The following GLI2 variants were observed in gnomAD, a reference collection of about 807,000 sequenced individuals.
GLI2 encodes the protein transcription activator GLI2.
A neutral mutation model predicts 78.9 loss-of-function variants in GLI2; 22 were observed. The observed-to-expected ratio is 0.28, with a 90% CI of 0.20 to 0.40. The LOEUF (loss-of-function observed/expected upper bound fraction) is 0.40, where lower values mean the gene tolerates loss of function less well. Among genes scored for constraint, GLI2 ranks in the 10% least tolerant of loss-of-function variants. The pLI is 1.00. For missense variants in GLI2, 2,097 were observed against 2,213.2 expected (o/e 0.95, Z 1.05); for synonymous variants, 974 against 963.7 (o/e 1.01, Z -0.20).
At chr2:120,749,998 C>T (rs530806785) in intron 1 of GLI2, among the ~76,000 whole-genome samples, 1 of 152,332 alleles carries the variant, frequency 6.6e-6, no homozygotes, top group African/African-American at 2.4e-5. Context: ...AGAACATCAA[C>T]GTCACAGCTC....
At position 120,955,152 on chromosome 2, in the gene GLI2, CCTTTTTT is replaced by C. The variant is rs1256064325; in HGVS notation, c.458-92_458-86del. 1,742 of 304,078 alleles carry C rather than the reference CCTTTTTT, an allele frequency of 5.7e-3. 39 individuals carry two copies. Among genetic ancestry groups the C allele is most frequent in the East Asian group, 0.015 (151 of 10,382 alleles). 18.8% of individuals were successfully genotyped at this position (304,078 alleles called of 1,614,324 possible). A position where few individuals can be genotyped will look rare whatever the true frequency, so the allele number is the denominator to read the frequency against. On this transcript the variant is annotated intron_variant, in intron 4 of 13. Transcript: ENST00000361492. ...GACACCAGGTGTGCATTTCTCTCTGCCTTTTTTTTTTTTTTTTTTTTTTTTTTTTGGC... is the reference window on the plus strand; with the variant it reads ...GACACCAGGTGTGCATTTCTCTCTGCTTTTTTTTTTTTTTTTTTTTTTGGC...
At chr2:120,788,727 C>A (rs1011206169) in intron 1 of GLI2, among the ~76,000 whole-genome samples, 1 of 152,156 alleles carries the variant, frequency 6.6e-6, no homozygotes, top group Non-Finnish European at 1.5e-5. Flanking sequence ...AAAACAAATT[C>A]AAGGAGCGAT....
chr2:120,893,277 C>G (rs530997916), intron 2 of GLI2, among the ~76,000 whole-genome samples: 2 of 152,190 alleles, frequency 1.3e-5, no homozygotes, highest in South Asian at 4.1e-4. Flanking sequence ...AATAACCAAG[C>G]CCAGCCCCTG....
At chr2:120,980,721 A>G (rs564584169) in intron 10 of GLI2, among the ~76,000 whole-genome samples, 147 of 152,330 alleles carry the variant, frequency 9.7e-4, no homozygotes, top group African/African-American at 3.2e-3. Context: ...ATTTACCTCT[A>G]TGTTTTCTTC....
At chr2:120,823,143 A>G (rs1370162800) in intron 2 of GLI2, among the ~76,000 whole-genome samples, 2 of 152,088 alleles carry the variant, frequency 1.3e-5, no homozygotes, top group African/African-American at 4.8e-5. Context: ...GCGGCCGCAC[A>G]CCGTCTTTGG....
chr2:120,840,885 C>T (rs1686836975), intron 2 of GLI2, among the ~76,000 whole-genome samples: 1 of 152,146 alleles, frequency 6.6e-6, no homozygotes, highest in Non-Finnish European at 1.5e-5. Flanking sequence ...AAAAGAGATC[C>T]ACTGGGTTAC....
Position 120,841,243 on chromosome 2 carries a change from G to A in GLI2, c.148+43775G>A, listed in dbSNP as rs553646981. 1.4e-3 allele frequency among the ~76,000 whole-genome samples: 220 copies of A among 152,302 alleles called. 1 individual carries two copies. The highest frequency in any genetic ancestry group is 2.5e-3 in the Non-Finnish European group (167 of 68,030). On this transcript the variant is annotated intron_variant, in intron 2 of 13. Transcript: ENST00000361492. ...GTTTTCAGAGGAGGAAATCCTTGGC[G>A]TCTGCCTTATTCCAAAATCCACTGG... is the stretch of plus-strand genomic sequence containing the variant.
At chr2:120,769,660 C>A (rs139616621) in intron 1 of GLI2, among the ~76,000 whole-genome samples, 2 of 152,126 alleles carry the variant, frequency 1.3e-5, no homozygotes, top group Non-Finnish European at 2.9e-5. Context: ...ATGTGCTGTG[C>A]GGCTGTGTGA....
At chr2:120,848,126 G>A (rs1418125584) in intron 2 of GLI2, among the ~76,000 whole-genome samples, 1 of 152,356 alleles carries the variant, frequency 6.6e-6, no homozygotes, top group Middle Eastern at 3.4e-3. Flanking sequence ...CCCGCAGACC[G>A]CGCAGCGCGC....
chr2:120,947,423 C>CA (rs1680763846), intron 3 of GLI2, among the ~76,000 whole-genome samples: 1 of 152,226 alleles, frequency 6.6e-6, no homozygotes, highest in Non-Finnish European at 1.5e-5. Flanking sequence ...GGCACACAGT[C>CA]AGCCCTACCC....
chr2:120,974,759 A>G (rs1404960468), intron 8 of GLI2, among the ~76,000 whole-genome samples: 1 of 151,572 alleles, frequency 6.6e-6, no homozygotes, highest in Admixed American at 6.6e-5. Flanking sequence ...AGTTGAGGAA[A>G]GGAGCTAAAA....
At chr2:120,884,022 A>T (rs1411979543) in intron 2 of GLI2, among the ~76,000 whole-genome samples, 1 of 152,180 alleles carries the variant, frequency 6.6e-6, no homozygotes, top group African/African-American at 2.4e-5. Context: ...ATACTTTTGC[A>T]TAGCCACCAC....
At chr2:120,765,885 A>G (rs1312643641) in intron 1 of GLI2, among the ~76,000 whole-genome samples, 2 of 152,232 alleles carry the variant, frequency 1.3e-5, no homozygotes, top group African/African-American at 4.8e-5. Context: ...GACTCAGGGA[A>G]TGAGATAGGA....
At chr2:120,743,068 G>A (rs868550145) in intron 1 of GLI2, among the ~76,000 whole-genome samples, 1 of 152,164 alleles carries the variant, frequency 6.6e-6, no homozygotes, top group Middle Eastern at 3.2e-3. Context: ...ATACCAAGTG[G>A]CCTAAGGAGC....
chr2:120,939,948 A>G (rs1042808841), intron 3 of GLI2, among the ~76,000 whole-genome samples: 2 of 152,140 alleles, frequency 1.3e-5, no homozygotes, highest in African/African-American at 2.4e-5. Flanking sequence ...TTTGGAGGTG[A>G]TGGCCTCTAC....
chr2:120,826,430 C>G (rs901342127), intron 2 of GLI2, among the ~76,000 whole-genome samples: 1 of 152,322 alleles, frequency 6.6e-6, no homozygotes, highest in East Asian at 1.9e-4. Flanking sequence ...AGCCAGCCCC[C>G]TCCCTCTGCT....
chr2:120,989,670 C>G lies in GLI2; in HGVS notation c.3705C>G (p.Pro1235=), dbSNP rs1431584870. 2 of 1,613,434 alleles carry G rather than the reference C, an allele frequency of 1.2e-6. No homozygotes were observed. The highest frequency in any genetic ancestry group is 1.7e-6 in the Non-Finnish European group (2 of 1,180,014). The stretch of plus-strand genomic sequence containing the variant: ...ATGCCTGCTATGGCCAAGTCCACCC[C>G]CAGCTGAGCCCCAGCACCATCAGTG... ...SPHACYGQVH[P]QLSPSTISGA... Residue 1235 remains proline (P), a synonymous_variant, in exon 14 of 14, where the codon CCC becomes CCG. Coordinates refer to ENST00000361492, the MANE Select transcript of GLI2 (RefSeq NM_001374353.1).
chr2:120,945,667 A>G (rs1680671378), intron 3 of GLI2, among the ~76,000 whole-genome samples: 2 of 152,130 alleles, frequency 1.3e-5, no homozygotes, highest in Admixed American at 6.5e-5. Flanking sequence ...TCTCTGTATC[A>G]TCTTCCTTCT....
intron 1 of GLI2, among the ~76,000 whole-genome samples, chr2:120,773,928 T>TCCCTC (rs1263420266): frequency 1.6e-5 from 2 of 128,730 alleles, no homozygotes; most frequent in African/African-American, 6.0e-5. Context: ...CTTCCTTCCT[T>TCCCTC]CCTTCCCTCC....
Sources: gnomAD v4.1 joint callset for allele counts (sites outside exome capture counted in the v4.1 genomes callset) on GRCh38, gnomAD v4.1.1 for gene constraint, MANE v1.5 for transcripts, NCBI Gene and HGNC (gene_info 2026-07-23, HGNC 2026-07-21) for gene names.